The following TGM3 variants were observed in gnomAD, a reference collection of about 807,000 sequenced individuals.
TGM3 encodes transglutaminase 3, also known as protein-glutamine gamma-glutamyltransferase E.
TGM3 carries 52 observed loss-of-function variants against 73.8 expected under a neutral mutation model. The observed-to-expected ratio is 0.70, with a 90% CI of 0.56 to 0.89. The LOEUF (loss-of-function observed/expected upper bound fraction) is 0.89. Ranked by LOEUF, TGM3 falls within the 40% of genes least tolerant of loss-of-function variation. TGM3 has a pLI of 0.00. For missense variants in TGM3, 928 were observed against 909.9 expected (o/e 1.02, Z -0.26); for synonymous variants, 372 against 354.9 (o/e 1.05, Z -0.54).
chr20:2,340,040 G>GGGGGGGGGGGGC, intron 12 of TGM3, 53 bp downstream of exon 12: 3 of 944,844 alleles, frequency 3.2e-6, no homozygotes, highest in Non-Finnish European at 4.8e-6. Flanking sequence ...GGGCGGGGGG[G>GGGGGGGGGGGGC]CCCTCCAGAT....
rs761640406 is a variant in TGM3, at chr20:2,340,420, G to A, written c.1935-14G>A. 6.8e-6 allele frequency: 11 copies of A among 1,613,840 alleles called. No individual in the cohort carries two copies. Among genetic ancestry groups the A allele is most frequent in the Non-Finnish European group, 9.3e-6 (11 of 1,179,960 alleles). On this transcript the variant is annotated splice_polypyrimidine_tract_variant and intron_variant, in intron 12 of 12. Coordinates refer to ENST00000381458, the MANE Select transcript of TGM3 (RefSeq NM_003245.4). Reference sequence around the variant, plus strand: ...GTGTCTCGTATCAACACTGATCTGTGCCCTCCCCATCAGCGTGCCGACCCT... The same window carrying A: ...GTGTCTCGTATCAACACTGATCTGTACCCTCCCCATCAGCGTGCCGACCCT...
chr20:2,332,368 G>C lies in TGM3; in HGVS notation c.1642+58G>C. 6.8e-7 allele frequency: 1 copy of C among 1,473,872 alleles called. No individual in the cohort carries two copies. The highest frequency in any genetic ancestry group is 9.0e-7 in the Non-Finnish European group (1 of 1,108,394). The allele number at this position is 1,473,872 out of a possible 1,614,324, so 91.3% of individuals were successfully genotyped here. On this transcript the variant is annotated intron_variant, in intron 10 of 12. Transcript: ENST00000381458. The surrounding 1 kb of genome is among the most constrained non-coding windows in gnomAD (Gnocchi z 4.4). ...AATCCGAGGTAGCCAATGGCCTTCTGGGGCTGCAGGGTGTCTGCTGGGCTC... is the reference window on the plus strand; with the variant it reads ...AATCCGAGGTAGCCAATGGCCTTCTCGGGCTGCAGGGTGTCTGCTGGGCTC...
rs1189852823 is a variant in TGM3, at chr20:2,332,103, C to G, written c.1435C>G (p.Gln479Glu). The G allele has an allele frequency of 1.2e-6, 2 of 1,614,218 alleles. No individual in the cohort carries two copies. Among genetic ancestry groups the G allele is most frequent in the Non-Finnish European group, 1.7e-6 (2 of 1,180,038 alleles). Residue 479 changes from glutamine (Q) to glutamate (E), a missense_variant, in exon 10 of 13, where the codon CAG becomes GAG. Transcript: ENST00000381458. The surrounding 1 kb of genome is among the most constrained non-coding windows in gnomAD (Gnocchi z 4.4). ...TTCAATGGGTTTGGAAACAGAGGAA[C>G]AGGAGCCCAGCATCATCGGGAAGCT... ...TSSMGLETEE[Q>E]EPSIIGKLKV...
At position 2,312,945 on chromosome 20, in the gene TGM3, T is replaced by C. The variant is rs1393543405; in HGVS notation, c.588T>C (p.Ser196=). Residue 196 remains serine (S), a synonymous_variant, in exon 5 of 13, where the codon AGT becomes AGC. Coordinates refer to ENST00000381458, the MANE Select transcript of TGM3 (RefSeq NM_003245.4). ...TCTGCCTCTCAATCTTGGATAGGAG[T>C]CTGAATTTCCGCCGTGACGCTGCTA... ...LSICLSILDR[S]LNFRRDAATD... 6 of 1,613,912 alleles carry C rather than the reference T, an allele frequency of 3.7e-6. No individual in the cohort carries two copies. In the African/African-American group the frequency reaches 6.7e-5, roughly 18 times the overall value.
At chr20:2,304,641 C>A (rs886376887) in intron 1 of TGM3, among the ~76,000 whole-genome samples, 2 of 152,104 alleles carry the variant, frequency 1.3e-5, no homozygotes, top group Admixed American at 1.3e-4. Context: ...AAGGAAACAC[C>A]ATTTTTTCTT....
At chr20:2,333,043 T>C (rs1364889021) in intron 10 of TGM3, among the ~76,000 whole-genome samples, 2 of 152,182 alleles carry the variant, frequency 1.3e-5, no homozygotes, top group African/African-American at 2.4e-5. Context: ...GTGGAGCAGA[T>C]AAAGGTTGTG....
In TGM3 at chr20:2,334,775, C is replaced by T. The variant is rs1156687291; in HGVS notation, c.1643-341C>T. Among the ~76,000 whole-genome samples the T allele has an allele frequency of 6.6e-6, 1 of 152,144 alleles. No individual in the cohort carries two copies. The highest frequency in any genetic ancestry group is 1.5e-5 in the Non-Finnish European group (1 of 68,038). Reference sequence around the variant, plus strand: ...CCTGGACAACATAGAGAGACCCCATCTCTACAAATAATTTAAAAAATTTTA... The same window carrying T: ...CCTGGACAACATAGAGAGACCCCATTTCTACAAATAATTTAAAAAATTTTA... On this transcript the variant is annotated intron_variant, in intron 10 of 12. Transcript: ENST00000381458. The surrounding 1 kb of genome is among the most constrained non-coding windows in gnomAD (Gnocchi z 4.0).
At position 2,313,865 on chromosome 20, in the gene TGM3, C is replaced by T. The variant is rs145120837; in HGVS notation, c.669+839C>T. Among the ~76,000 whole-genome samples, 800 of 151,934 alleles carry T rather than the reference C, an allele frequency of 5.3e-3. 5 individuals are homozygous for T. Among genetic ancestry groups the T allele is most frequent in the African/African-American group, 0.018 (748 of 41,426 alleles). On this transcript the variant is annotated intron_variant, in intron 5 of 12. Transcript: ENST00000381458. Reference sequence around the variant, plus strand: ...GTAACGTAGTGAGACCTCGTCTCTACAGAAATTAAAAAAAAACTAGCCAGG... The same window carrying T: ...GTAACGTAGTGAGACCTCGTCTCTATAGAAATTAAAAAAAAACTAGCCAGG...
At chr20:2,296,351 A>G (rs547249278) in intron 1 of TGM3, among the ~76,000 whole-genome samples, 28 of 152,292 alleles carry the variant, frequency 1.8e-4, no homozygotes, top group African/African-American at 6.5e-4. Flanking sequence ...GGCAGAGGAC[A>G]AGCTTTGCCT....
chr20:2,327,335 G>A (rs1377102973), intron 8 of TGM3, among the ~76,000 whole-genome samples: 3 of 152,036 alleles, frequency 2.0e-5, no homozygotes, highest in Non-Finnish European at 2.9e-5. Flanking sequence ...AATTAGCCGG[G>A]CGTGGTGGCG....
intron 1 of TGM3, among the ~76,000 whole-genome samples, chr20:2,298,630 C>T (rs546074569): frequency 5.0e-4 from 76 of 152,312 alleles, no homozygotes; most frequent in African/African-American, 1.6e-3. Flanking sequence ...CCATTCCCAG[C>T]GTCTGGGTCT....
chr20:2,313,830 A>G (rs1278964993), intron 5 of TGM3, among the ~76,000 whole-genome samples: 1 of 152,080 alleles, frequency 6.6e-6, no homozygotes, highest in Non-Finnish European at 1.5e-5. Flanking sequence ...GGAGTTTGCC[A>G]CCAGCCTGGG....
At chr20:2,333,794 G>T (rs1422915608) in intron 10 of TGM3, among the ~76,000 whole-genome samples, 1 of 152,228 alleles carries the variant, frequency 6.6e-6, no homozygotes, top group East Asian at 1.9e-4. Context: ...GAGAAGGCAG[G>T]TGTAGTGGTC....
chr20:2,332,320 C>A lies in TGM3; in HGVS notation c.1642+10C>A. ...CTGGACCCTGAGGAAGGTAACGCATCCCGCAGTTGGAGGAGATCCACGAAT... is the reference window on the plus strand; with the variant it reads ...CTGGACCCTGAGGAAGGTAACGCATACCGCAGTTGGAGGAGATCCACGAAT... On this transcript the variant is annotated intron_variant, in intron 10 of 12. Coordinates refer to ENST00000381458, the MANE Select transcript of TGM3 (RefSeq NM_003245.4). The surrounding 1 kb of genome is among the most constrained non-coding windows in gnomAD (Gnocchi z 4.4). The A allele has an allele frequency of 6.4e-7, 1 of 1,568,664 alleles. No homozygotes were observed. Among genetic ancestry groups the A allele is most frequent in the Admixed American group, 1.8e-5 (1 of 55,930 alleles).
intron 11 of TGM3, among the ~76,000 whole-genome samples, chr20:2,337,717 CAA>C (rs554353976): frequency 1.4e-5 from 2 of 140,242 alleles, no homozygotes. Flanking sequence ...GAGACTCCGT[CAA>C]AAAAAAAAAA....
rs1020517865 is a variant in TGM3 at position 2,335,328 on chromosome 20, C to T, written c.1800+55C>T. On this transcript the variant is annotated intron_variant, in intron 11 of 12. Coordinates refer to ENST00000381458, the MANE Select transcript of TGM3 (RefSeq NM_003245.4). The stretch of plus-strand genomic sequence containing the variant: ...GGTTCTGCCCCCAGCCAGCCCAGCT[C>T]CCAGGAGCCCCACTGTCCCTGTGAG... The T allele has an allele frequency of 8.7e-6, 14 of 1,601,924 alleles. No homozygotes were observed. In the African/African-American group the frequency reaches 1.7e-4, roughly 20 times the overall value.
intron 11 of TGM3, among the ~76,000 whole-genome samples, chr20:2,336,505 G>C (rs906539599): frequency 6.6e-6 from 1 of 151,184 alleles, no homozygotes; most frequent in Non-Finnish European, 1.5e-5. Context: ...GCCCTGGCCC[G>C]CCCCTCCTTA....
rs532837269 is a variant in TGM3, at chr20:2,305,640, G to A, written c.8-4017G>A. Among the ~76,000 whole-genome samples, 43 of 152,232 alleles carry A rather than the reference G, an allele frequency of 2.8e-4. No homozygotes were observed. The South Asian group carries it at 4.6e-3, about 16-fold the overall frequency. On this transcript the variant is annotated intron_variant, in intron 1 of 12. Coordinates refer to ENST00000381458, the MANE Select transcript of TGM3 (RefSeq NM_003245.4). ...TCCTCCTCCAGCTCGGAGCAGTCTC[G>A]CACATCCCACAGCCACCCTAACAGG...
At chr20:2,311,553 TG>T (rs1485883397) in intron 4 of TGM3, among the ~76,000 whole-genome samples, 1 of 152,206 alleles carries the variant, frequency 6.6e-6, no homozygotes, top group African/African-American at 2.4e-5. Flanking sequence ...CACACCCTTT[TG>T]TTCCTTTATT....
Sources: gnomAD v4.1 joint callset for allele counts (sites outside exome capture counted in the v4.1 genomes callset) on GRCh38, gnomAD v4.1.1 for gene constraint, Gnocchi (gnomAD v3.1) non-coding constraint, MANE v1.5 for transcripts, NCBI Gene and HGNC (gene_info 2026-07-23, HGNC 2026-07-21) for gene names.